MYO3B: variants seen among roughly 807,000 people sequenced by gnomAD.
MYO3B encodes myosin-IIIb.
MYO3B carries 156 observed loss-of-function variants against 174.6 expected under a neutral mutation model. That is an observed-to-expected ratio of 0.89 (90% CI 0.78 to 1.02). The LOEUF (loss-of-function observed/expected upper bound fraction) is 1.02, where lower values mean the gene tolerates loss of function less well. Among genes scored for constraint, MYO3B ranks in the 50% least tolerant of loss-of-function variants. MYO3B has a pLI of 0.00. For missense variants in MYO3B, 1,632 were observed against 1,639.4 expected, an observed-to-expected ratio of 1.00 and a Z score of 0.08; for synonymous variants, 563 against 569.1, an observed-to-expected ratio of 0.99 and a Z score of 0.15.
intron 33 of MYO3B, 134 bp downstream of exon 33, chr2:170,651,868 C>T: frequency 1.6e-6 from 1 of 606,242 alleles, no homozygotes; most frequent in South Asian, 1.8e-5. Flanking sequence ...TGCTTAGGCT[C>T]TTTATCTGTT....
intron 7 of MYO3B, among the ~76,000 whole-genome samples, chr2:170,243,509 G>A (rs931266399): frequency 2.0e-5 from 3 of 152,212 alleles, no homozygotes; most frequent in Non-Finnish European, 4.4e-5. Context: ...AAGTTCACCA[G>A]TGTGAACTTG....
chr2:170,512,654 T>C (rs574558505), intron 28 of MYO3B, among the ~76,000 whole-genome samples: 56 of 152,286 alleles, frequency 3.7e-4, no homozygotes, highest in Admixed American at 2.8e-3. Flanking sequence ...CAGCAGCTAA[T>C]CTATGGGACC....
chr2:170,304,284 C>T (rs1336985463), intron 7 of MYO3B, among the ~76,000 whole-genome samples: 8 of 151,912 alleles, frequency 5.3e-5, no homozygotes, highest in South Asian at 4.2e-4. Flanking sequence ...ACATTTTTAT[C>T]AACAGTTGGT....
At chr2:170,451,635 T>C (rs1289017260) in intron 23 of MYO3B, among the ~76,000 whole-genome samples, 3 of 152,238 alleles carry the variant, frequency 2.0e-5, no homozygotes, top group Non-Finnish European at 4.4e-5. Context: ...ATTTAAGCCC[T>C]TATTTTTACC....
intron 32 of MYO3B, among the ~76,000 whole-genome samples, chr2:170,642,912 G>T (rs1053722504): frequency 6.6e-6 from 1 of 152,064 alleles, no homozygotes; most frequent in African/African-American, 2.4e-5. Context: ...CATTTTTAAG[G>T]TGATGTAGAT....
At position 170,336,475 on chromosome 2, in the gene MYO3B, G is replaced by A. The variant is rs952567711; in HGVS notation, c.815+1025G>A. Among the ~76,000 whole-genome samples, 8 of 152,112 alleles carry A rather than the reference G, an allele frequency of 5.3e-5. No homozygotes were observed. The East Asian group carries it at 1.2e-3, about 22-fold the overall frequency. Reference sequence around the variant, plus strand: ...AATACAGATCAACAATCTCTTATCCGTATTTCCAAAATCCAAAGAGCTCCG... The same window carrying A: ...AATACAGATCAACAATCTCTTATCCATATTTCCAAAATCCAAAGAGCTCCG... On this transcript the variant is annotated intron_variant, in intron 8 of 34. Transcript: ENST00000408978.
intron 23 of MYO3B, among the ~76,000 whole-genome samples, chr2:170,455,312 G>T (rs1286374197): frequency 6.6e-6 from 1 of 152,180 alleles, no homozygotes; most frequent in East Asian, 1.9e-4. Context: ...AAAAGGACAG[G>T]CTGGAGGTTA....
At chr2:170,348,591 C>G (rs1164198960) in intron 8 of MYO3B, 1 of 152,072 alleles carries the variant, frequency 6.6e-6, no homozygotes, top group African/African-American at 2.4e-5. Flanking sequence ...CCTTTTTCAC[C>G]TGGATATATG....
chr2:170,269,678 A>G (rs1412513662), intron 7 of MYO3B, among the ~76,000 whole-genome samples: 1 of 152,244 alleles, frequency 6.6e-6, no homozygotes, highest in African/African-American at 2.4e-5. Flanking sequence ...TCTTAATATT[A>G]GGAAAAACTA....
intron 32 of MYO3B, among the ~76,000 whole-genome samples, chr2:170,583,009 C>T (rs1021644729): frequency 1.3e-5 from 2 of 151,994 alleles, no homozygotes; most frequent in African/African-American, 4.8e-5. Context: ...CTCCTGACAG[C>T]TCCCCCTGCC....
At chr2:170,612,724 T>C (rs6724616) in intron 32 of MYO3B, among the ~76,000 whole-genome samples, 65,094 of 152,026 alleles carry the variant, frequency 0.43, 16,285 homozygotes, top group African/African-American at 0.7. Context: ...CATTTTACCT[T>C]ACCTAGCCTA....
chr2:170,218,141 G>A (rs1473397267), intron 6 of MYO3B, among the ~76,000 whole-genome samples: 4 of 152,134 alleles, frequency 2.6e-5, no homozygotes, highest in Non-Finnish European at 4.4e-5. Context: ...TATTTCCTCT[G>A]TGTGACTGCC....
chr2:170,181,769 G>A (rs1391696052), intron 1 of MYO3B, among the ~76,000 whole-genome samples: 2 of 152,096 alleles, frequency 1.3e-5, no homozygotes, highest in African/African-American at 4.8e-5. Flanking sequence ...TAAAGTAAAT[G>A]CCTACCAGTA....
intron 8 of MYO3B, chr2:170,342,280 T>C (rs1241348943): frequency 6.6e-6 from 1 of 152,236 alleles, no homozygotes; most frequent in Non-Finnish European, 1.5e-5. Context: ...TTCTCCATAC[T>C]GGCTTTTCTT....
At chr2:170,507,255 AC>A (rs1008184025) in intron 28 of MYO3B, among the ~76,000 whole-genome samples, 4 of 150,900 alleles carry the variant, frequency 2.7e-5, no homozygotes, top group Non-Finnish European at 5.9e-5. Flanking sequence ...CCATCCGCCT[AC>A]CCCCCCATCT....
chr2:170,274,206 A>T (rs1456226759), intron 7 of MYO3B, among the ~76,000 whole-genome samples: 2 of 152,088 alleles, frequency 1.3e-5, no homozygotes, highest in Non-Finnish European at 1.5e-5. Context: ...GACAGAGACC[A>T]AGCTGACGTT....
chr2:170,428,053 A>G (rs150710355), intron 22 of MYO3B, among the ~76,000 whole-genome samples: 1 of 152,358 alleles, frequency 6.6e-6, no homozygotes, highest in East Asian at 1.9e-4. Context: ...GCAAAAAACT[A>G]TGCCTCTGTC....
At chr2:170,538,804 A>G (rs978316550) in intron 30 of MYO3B, among the ~76,000 whole-genome samples, 23 of 152,320 alleles carry the variant, frequency 1.5e-4, no homozygotes, top group South Asian at 1.0e-3. Context: ...CAAGACGCCA[A>G]TGGAGCCCTA....
At chr2:170,535,051 C>A (rs1319419965) in intron 30 of MYO3B, among the ~76,000 whole-genome samples, 4 of 152,208 alleles carry the variant, frequency 2.6e-5, no homozygotes, top group African/African-American at 9.6e-5. Flanking sequence ...TCCCCCTTCC[C>A]TGCTTTAACT....
Sources: allele counts gnomAD v4.1 joint callset (sites outside exome capture counted in the v4.1 genomes callset), GRCh38; gene constraint gnomAD v4.1.1; transcripts MANE v1.5; gene names NCBI Gene and HGNC (gene_info 2026-07-23, HGNC 2026-07-21).